SYTL2: variants seen among roughly 807,000 people sequenced by gnomAD.
SYTL2 encodes the protein synaptotagmin-like protein 2.
SYTL2 carries 165 observed loss-of-function variants against 198.7 expected under a neutral mutation model. The ratio of observed to expected loss-of-function variants is 0.83; its 90% CI spans 0.73 to 0.94. The LOEUF (loss-of-function observed/expected upper bound fraction) is 0.94. SYTL2 is among the 40% of genes least tolerant of loss of function. The pLI is 0.00. For synonymous variants in SYTL2, 966 were observed against 917.7 expected (o/e 1.05, Z -0.95); for missense variants, 2,835 against 2,582.8 (o/e 1.10, Z -2.12).
chr11:85,696,780 T>C (rs1432808387), intron 18 of SYTL2, among the ~76,000 whole-genome samples: 2 of 152,208 alleles, frequency 1.3e-5, no homozygotes, highest in Non-Finnish European at 2.9e-5. Context: ...GTGCTTAATA[T>C]GCTAGTAATC....
Position 85,780,961 on chromosome 11 carries a change from G to A in SYTL2, c.-389-22847C>T, listed in dbSNP as rs538453306. Among the ~76,000 whole-genome samples, 61 of 152,324 alleles carry A rather than the reference G, an allele frequency of 4.0e-4. No individual in the cohort carries two copies. The South Asian group carries it at 0.01, about 26-fold the overall frequency. On this transcript the variant is annotated intron_variant, in intron 1 of 19. Transcript: ENST00000359152. ...AGAGGATACCCAGCTGGTGTTTGCTGTAGAACTGATTGCTTGCTTGGTATG... is the reference window on the plus strand; with the variant it reads ...AGAGGATACCCAGCTGGTGTTTGCTATAGAACTGATTGCTTGCTTGGTATG...
At chr11:85,805,927 T>C (rs1345770933) in intron 1 of SYTL2, among the ~76,000 whole-genome samples, 1 of 152,168 alleles carries the variant, frequency 6.6e-6, no homozygotes, top group Non-Finnish European at 1.5e-5. Flanking sequence ...AGTATAAGAT[T>C]AGGAAATGCT....
chr11:85,821,552 A>G, the SYTL2 span, among the ~76,000 whole-genome samples: 1 of 152,228 alleles, frequency 6.6e-6, no homozygotes, highest in African/African-American at 2.4e-5. Flanking sequence ...ACATGTTAAA[A>G]TCAGATTATA....
At chr11:85,735,093 T>G (rs1470136277) in intron 6 of SYTL2, among the ~76,000 whole-genome samples, 4 of 152,248 alleles carry the variant, frequency 2.6e-5, no homozygotes, top group East Asian at 1.9e-4. Flanking sequence ...GTAACAAATG[T>G]ACCATTCTCA....
At chr11:85,767,988 G>A (rs184214364) in intron 1 of SYTL2, among the ~76,000 whole-genome samples, 46 of 152,330 alleles carry the variant, frequency 3.0e-4, no homozygotes, top group African/African-American at 9.1e-4. Flanking sequence ...AGCACTCTGA[G>A]AATTAGTGTC....
At chr11:85,790,139 A>G (rs1303927933) in intron 1 of SYTL2, among the ~76,000 whole-genome samples, 4 of 152,172 alleles carry the variant, frequency 2.6e-5, no homozygotes, top group African/African-American at 9.7e-5. Flanking sequence ...TTGTGCATAG[A>G]ACAAAGTTTG....
intron 1 of SYTL2, among the ~76,000 whole-genome samples, chr11:85,773,733 A>C (rs889093911): frequency 1.3e-4 from 20 of 152,226 alleles, no homozygotes; most frequent in African/African-American, 4.8e-4. Context: ...AAAAGACCAG[A>C]AATTTATTTT....
At chr11:85,748,930 A>T (rs1017032657) in intron 2 of SYTL2, among the ~76,000 whole-genome samples, 2 of 152,108 alleles carry the variant, frequency 1.3e-5, no homozygotes, top group African/African-American at 4.8e-5. Flanking sequence ...AGTCCTTTCC[A>T]TTTTGGGTGA....
intron 1 of SYTL2, among the ~76,000 whole-genome samples, chr11:85,786,790 T>C (rs1310310990): frequency 6.6e-6 from 1 of 152,156 alleles, no homozygotes; most frequent in Non-Finnish European, 1.5e-5. Context: ...GCTCTTATAT[T>C]AAAAACAAAT....
chr11:85,709,536 T>C, intron 13 of SYTL2, 36 bp from the exon 14 acceptor site: 1 of 1,597,068 alleles, frequency 6.3e-7, no homozygotes, highest in East Asian at 2.2e-5. Context: ...TTTGTCTCTA[T>C]CTCATTCTTA....
At chr11:85,747,150 A>G (rs928868254) in intron 3 of SYTL2, among the ~76,000 whole-genome samples, 15 of 152,202 alleles carry the variant, frequency 9.9e-5, no homozygotes, top group African/African-American at 3.6e-4. Flanking sequence ...AGAATTTTAA[A>G]CAAGCCCTCA....
intron 1 of SYTL2, among the ~76,000 whole-genome samples, chr11:85,786,658 A>G (rs2092640646): frequency 6.6e-6 from 1 of 152,168 alleles, no homozygotes; most frequent in Admixed American, 6.5e-5. Context: ...AGGTCGAGAG[A>G]GGGGGCATCA....
intron 4 of SYTL2, among the ~76,000 whole-genome samples, chr11:85,738,473 G>A (rs2090530696): frequency 6.6e-6 from 1 of 152,096 alleles, no homozygotes; most frequent in Non-Finnish European, 1.5e-5. Context: ...AACAGAATAG[G>A]AATGTATAAT....
chr11:85,802,846 T>G (rs2092910565), intron 1 of SYTL2, among the ~76,000 whole-genome samples: 1 of 152,226 alleles, frequency 6.6e-6, no homozygotes, highest in African/African-American at 2.4e-5. Flanking sequence ...CAAAAGCTGC[T>G]AACCACAGTT....
intron 15 of SYTL2, among the ~76,000 whole-genome samples, chr11:85,706,426 T>C (rs900868003): frequency 1.3e-5 from 2 of 152,212 alleles, no homozygotes; most frequent in Non-Finnish European, 2.9e-5. Flanking sequence ...GCTGTTAACA[T>C]ATCCTGCTAT....
At chr11:85,739,554 T>C (rs1485318961) in intron 4 of SYTL2, among the ~76,000 whole-genome samples, 1 of 152,142 alleles carries the variant, frequency 6.6e-6, no homozygotes, top group African/African-American at 2.4e-5. Flanking sequence ...TGTCTGAAAA[T>C]GCAGCTACTT....
rs767338262 is a variant in SYTL2 at position 85,724,146 on chromosome 11, G to C, written c.5212C>G (p.Leu1738Val). Residue 1738 changes from leucine to valine, a missense_variant, in exon 8 of 20, where the codon CTA becomes GTA. By Grantham distance (32) the Leu-to-Val change is conservative. This residue lies in a region of SYTL2 where 2,645 missense variants were observed against 2,381.7 expected (regional missense o/e 1.11). Coordinates refer to ENST00000359152, the MANE Select transcript of SYTL2 (RefSeq NM_206927.4). Reference sequence around the variant, plus strand: ...TCTTGTTTCATATATGGCGATGCTAGAGTCAATTCAACTTTACTTGTTTTT... The same window carrying C: ...TCTTGTTTCATATATGGCGATGCTACAGTCAATTCAACTTTACTTGTTTTT... ...STKTSKVELT[L>V]ASPYMKQEKE... 2.5e-5 allele frequency: 40 copies of C among 1,601,440 alleles called. 1 individual carries two copies. The South Asian group carries it at 4.4e-4, about 18-fold the overall frequency.
rs775045181 is a variant in SYTL2, at chr11:85,734,335, G to A, written c.994C>T (p.His332Tyr). Reference protein sequence around the residue: ...SSPNSLEPLKHVRFSAVKDEL... With the variant: ...SSPNSLEPLKYVRFSAVKDEL... ...TCCTTCACTGCAGAGAATCTCACAT[G>A]CTTTAATGGCTCCAGGGAGTTTGGG... The change falls in exon 7 of 20, where the codon CAT becomes TAT. Residue 332 changes from histidine (H) to tyrosine (Y), a missense_variant. Physicochemically the swap from His to Tyr is moderately conservative, Grantham distance 83 (BLOSUM62 2). Transcript: ENST00000359152. The A allele has an allele frequency of 2.5e-6, 4 of 1,614,206 alleles. No individual in the cohort carries two copies. In the South Asian group the frequency reaches 3.3e-5, roughly 13 times the overall value.
intron 4 of SYTL2, among the ~76,000 whole-genome samples, chr11:85,738,713 A>G (rs772012105): frequency 1.3e-5 from 2 of 152,236 alleles, no homozygotes; most frequent in Non-Finnish European, 2.9e-5. Context: ...ACATCCCTAT[A>G]GTCGATGCTA....
Sources: gnomAD v4.1 joint callset for allele counts (sites outside exome capture counted in the v4.1 genomes callset) on GRCh38, gnomAD v4.1.1 for gene constraint, gnomAD v4.1.1 regional missense constraint, MANE v1.5 for transcripts, NCBI Gene and HGNC (gene_info 2026-07-23, HGNC 2026-07-21) for gene names.